Variants in PABPC1 observed in about 807,000 individuals in gnomAD.
PABPC1 encodes polyadenylate-binding protein 1.
A neutral mutation model predicts 74.0 loss-of-function variants in PABPC1; 4 were observed. The ratio of observed to expected loss-of-function variants is 0.05; its 90% confidence interval spans 0.03 to 0.12. The LOEUF is 0.12. Ranked by LOEUF, PABPC1 falls within the 10% of genes least tolerant of loss-of-function variation. The pLI is 1.00. For missense variants in PABPC1, 271 were observed against 821.1 expected, an observed-to-expected ratio of 0.33 and a Z score of 8.19; for synonymous variants, 227 against 264.1, an observed-to-expected ratio of 0.86 and a Z score of 1.36.
chr8:100,713,751 C>A (rs975381003), intron 4 of PABPC1, among the ~76,000 whole-genome samples: 1 of 152,172 alleles, frequency 6.6e-6, no homozygotes, highest in Non-Finnish European at 1.5e-5. Context: ...CCTCCCCAAG[C>A]GCTAGGGTTA....
In PABPC1 at chr8:100,721,402, TG is replaced by T; in HGVS notation, c.181del (p.Gln61SerfsTer12). The part of the protein sequence containing the change: ...SLGYAYVNFQ[Q>X]PADAERALDT... The stretch of plus-strand genomic sequence containing the variant: ...AGCCCGGCGCTCACCGTCCGCCGGC[TG>T]CTGGAAGTTCACATACGCGTAGCCC... On this transcript the variant is annotated frameshift_variant, in exon 1 of 15. Transcript: ENST00000318607. LOFTEE classifies it high-confidence loss of function. The surrounding 1 kb of genome is among the most constrained non-coding windows in gnomAD (Gnocchi z 7.4). 6.5e-7 allele frequency: 1 copy of T among 1,536,724 alleles called. No homozygotes were observed.
Position 100,721,446 on chromosome 8 carries a change from C to T in PABPC1, c.138G>A (p.Met46Ile). 1 of 1,605,450 alleles carries T rather than the reference C, an allele frequency of 6.2e-7. No homozygotes were observed. Among genetic ancestry groups the T allele is most frequent in the South Asian group, 1.1e-5 (1 of 90,270 alleles). ...PILSIRVCRDMITRRSLGYAY... is the reference protein window; with the variant it reads ...PILSIRVCRDIITRRSLGYAY... The stretch of plus-strand genomic sequence containing the variant: ...CGTAGCCCAAGGAGCGGCGGGTGAT[C>T]ATGTCCCTGCAGACCCGGATGGAGA... The change falls in exon 1 of 15, where the codon ATG becomes ATA. Residue 46 changes from methionine (M) to isoleucine (I), a missense_variant. Met to Ile is a conservative substitution (Grantham distance 10, BLOSUM62 1). Coordinates refer to ENST00000318607, the MANE Select transcript of PABPC1 (RefSeq NM_002568.4). The surrounding 1 kb of genome is among the most constrained non-coding windows in gnomAD (Gnocchi z 7.4).
At chr8:100,720,608 A>G (rs1810795566) in intron 1 of PABPC1, among the ~76,000 whole-genome samples, 1 of 152,242 alleles carries the variant, frequency 6.6e-6, no homozygotes, top group Non-Finnish European at 1.5e-5. Context: ...AATCTAAGAT[A>G]AAATTTGACT....
chr8:100,707,446 C>A (rs1216685401), intron 9 of PABPC1, among the ~76,000 whole-genome samples: 3 of 152,124 alleles, frequency 2.0e-5, no homozygotes, highest in Admixed American at 1.3e-4. Flanking sequence ...TAGGTAAGGT[C>A]ACGTGGGTTA....
chr8:100,705,430 A>G (rs1299493033), intron 12 of PABPC1, among the ~76,000 whole-genome samples, 159 bp downstream of exon 12: 1 of 152,228 alleles, frequency 6.6e-6, no homozygotes, highest in Admixed American at 6.5e-5. Flanking sequence ...TTGGCTTTCC[A>G]GTGGTTTTAA....
At chr8:100,719,388 G>GTTTT (rs34795139) in intron 1 of PABPC1, among the ~76,000 whole-genome samples, 9 of 142,298 alleles carry the variant, frequency 6.3e-5, no homozygotes, top group South Asian at 4.4e-4. Context: ...AGCTTCCCTA[G>GTTTT]TTTTTTTTTT....
chr8:100,705,167 A>G, intron 12 of PABPC1, 111 bp from the exon 13 acceptor site: 1 of 795,792 alleles, frequency 1.3e-6, no homozygotes, highest in East Asian at 2.6e-5. Flanking sequence ...TCACGTATAT[A>G]ATAACCCATA....
At chr8:100,712,127 T>C (rs1250706484) in intron 7 of PABPC1, among the ~76,000 whole-genome samples, 1 of 152,230 alleles carries the variant, frequency 6.6e-6, no homozygotes, top group Admixed American at 6.5e-5. Flanking sequence ...TGACTAGTTG[T>C]TGGAATAGTG....
intron 7 of PABPC1, among the ~76,000 whole-genome samples, chr8:100,711,980 G>A (rs541213660): frequency 6.6e-6 from 1 of 152,318 alleles, no homozygotes; most frequent in East Asian, 1.9e-4. Context: ...AAGAAAATAT[G>A]ATCTCTATTC....
At chr8:100,712,083 A>G (rs758034510) in intron 7 of PABPC1, among the ~76,000 whole-genome samples, 9 of 152,270 alleles carry the variant, frequency 5.9e-5, no homozygotes, top group African/African-American at 1.7e-4. Flanking sequence ...AGTAACAATT[A>G]TAAGTCCCTA....
In PABPC1 at chr8:100,715,608, A is replaced by G; in HGVS notation, c.504-7T>C. On this transcript the variant is annotated splice_region_variant and splice_polypyrimidine_tract_variant and intron_variant, in intron 3 of 14. Transcript: ENST00000318607. ...CTTAAATCGTCCAACAAATCTAATA[A>G]GATATACAAGGACTATAACATTAGA... 1 of 1,596,398 alleles carries G rather than the reference A, an allele frequency of 6.3e-7. No homozygotes were observed.
Position 100,709,119 on chromosome 8 carries a change from GAA to G in PABPC1, c.1336+12_1336+13del, listed in dbSNP as rs768270115. 3.2e-5 allele frequency: 50 copies of G among 1,580,720 alleles called. No homozygotes were observed. In the Middle Eastern group the frequency reaches 8.2e-4, roughly 26 times the overall value. ...ACTCAATCCCCAACCTTAATTAAAA[GAA>G]AAAAGACTTACGATGAGGTCTGGCA... On this transcript the variant is annotated intron_variant, in intron 9 of 14. Transcript: ENST00000318607.
In PABPC1 at chr8:100,709,651, T is replaced by C; in HGVS notation, c.1053A>G (p.Thr351=). 6.2e-7 allele frequency: 1 copy of C among 1,614,200 alleles called. No individual in the cohort carries two copies. The highest frequency in any genetic ancestry group is 8.5e-7 in the Non-Finnish European group (1 of 1,180,036). The stretch of plus-strand genomic sequence containing the variant: ...TGGCCACAATTCTACCGTTCATTTC[T>C]GTAACTGCTTTAGTGGCTTCTTCTG... ...SSPEEATKAV[T]EMNGRIVATK... is the part of the protein sequence containing the mutation. Residue 351 remains threonine, a synonymous_variant, in exon 8 of 15, where the codon ACA becomes ACG. Coordinates refer to ENST00000318607, the MANE Select transcript of PABPC1 (RefSeq NM_002568.4).
At chr8:100,714,362 T>C (rs1479405766) in intron 4 of PABPC1, among the ~76,000 whole-genome samples, 8 of 152,338 alleles carry the variant, frequency 5.3e-5, no homozygotes, top group Non-Finnish European at 1.0e-4. Context: ...TTTTATATCA[T>C]CTATCTTTGT....
intron 1 of PABPC1, among the ~76,000 whole-genome samples, chr8:100,719,074 G>A (rs1254139414): frequency 6.6e-6 from 1 of 152,134 alleles, no homozygotes; most frequent in Non-Finnish European, 1.5e-5. Flanking sequence ...AATACTGCTA[G>A]AAAATTTCAA....
chr8:100,709,398 A>C, intron 8 of PABPC1, 61 bp downstream of exon 8: 1 of 1,595,070 alleles, frequency 6.3e-7, no homozygotes, highest in Non-Finnish European at 8.6e-7. Flanking sequence ...GGGGCACAAA[A>C]AACACTAGAA....
At chr8:100,712,306 T>C in intron 7 of PABPC1, 56 bp downstream of exon 7, 11 of 980,786 alleles carry the variant, frequency 1.1e-5, no homozygotes, top group Admixed American at 2.2e-5. Context: ...TATACATATA[T>C]CTACATGTAT....
chr8:100,715,412 G>A (rs1338786829), intron 4 of PABPC1, 50 bp downstream of exon 4: 15 of 1,476,772 alleles, frequency 1.0e-5, no homozygotes, highest in African/African-American at 1.4e-5. Flanking sequence ...AATTAACACT[G>A]AGCACTAATT....
rs747976608 is a variant in PABPC1 at position 100,715,491 on chromosome 8, T to C, written c.614A>G (p.Glu205Gly). The C allele has an allele frequency of 5.6e-6, 9 of 1,612,356 alleles. No individual in the cohort carries two copies. In the East Asian group the frequency reaches 2.0e-4, roughly 36 times the overall value. ...CTTGCCAAAGAGATCCTTAAGGCGC[T>C]CATCATCCATGTCTTCTCCAAAATT... ...IKNFGEDMDD[E>G]RLKDLFGKFG... Residue 205 changes from glutamate to glycine, a missense_variant, in exon 4 of 15, where the codon GAG becomes GGG. Coordinates refer to ENST00000318607, the MANE Select transcript of PABPC1 (RefSeq NM_002568.4).
Sources: gnomAD v4.1 joint callset for allele counts (sites outside exome capture counted in the v4.1 genomes callset) on GRCh38, gnomAD v4.1.1 for gene constraint, Gnocchi (gnomAD v3.1) non-coding constraint, MANE v1.5 for transcripts, NCBI Gene and HGNC (gene_info 2026-07-23, HGNC 2026-07-21) for gene names.